The following SET variants were observed in gnomAD, a reference collection of about 807,000 sequenced individuals.
The protein encoded by SET is protein SET.
In SET, 4 loss-of-function variants were observed where a neutral mutation model predicts 39.0. That is an observed-to-expected ratio of 0.10 (90% CI 0.05 to 0.23). The LOEUF is 0.23. Among genes scored for constraint, SET ranks in the 10% least tolerant of loss-of-function variants. SET has a pLI of 1.00. For synonymous variants in SET, 114 were observed against 115.9 expected, an observed-to-expected ratio of 0.98 and a Z score of 0.11; for missense variants, 137 against 329.7, an observed-to-expected ratio of 0.42 and a Z score of 4.53.
chr9:128,687,669 G>A (rs1157581464), upstream of SET, among the ~76,000 whole-genome samples: 1 of 150,612 alleles, frequency 6.6e-6, no homozygotes, highest in Admixed American at 6.6e-5. Context: ...GTTCTGGAAG[G>A]CAGAATTCCA....
At chr9:128,687,617 CAAAAAA>C (rs57072661), upstream of SET, among the ~76,000 whole-genome samples, 10 of 79,648 alleles carry the variant, frequency 1.3e-4, no homozygotes, top group East Asian at 1.8e-3. Flanking sequence ...CCTCCCCCAC[CAAAAAA>C]AAAAAAAAAA....
exon 1 of SET, chr9:128,683,875 T>C: frequency 2.6e-6 from 4 of 1,541,470 alleles, no homozygotes; most frequent in Non-Finnish European, 3.5e-6. Flanking sequence ...CGTGGTCTGG[T>C]TCTGGGACTT....
intron 3 of SET, among the ~76,000 whole-genome samples, 173 bp downstream of exon 3, chr9:128,692,173 G>A (rs1215851447): frequency 1.3e-5 from 2 of 152,030 alleles, no homozygotes; most frequent in African/African-American, 4.8e-5. Context: ...GATCACTTGA[G>A]GTCAGGGGTT....
chr9:128,685,091 C>T (rs536265082), upstream of SET: 427 of 1,544,132 alleles, frequency 2.8e-4, no homozygotes, highest in Middle Eastern at 3.0e-3. Context: ...GGAAGAAGCA[C>T]TGAGGAGGAG....
In SET at chr9:128,696,007, G is replaced by A. The variant is rs1202603710; in HGVS notation, c.*1343G>A. 1 of 226,082 alleles carries A rather than the reference G, an allele frequency of 4.4e-6. No homozygotes were observed. Among genetic ancestry groups the A allele is most frequent in the Non-Finnish European group, 8.9e-6 (1 of 112,972 alleles). The allele number at this position is 226,082 out of a possible 1,614,324, so 14.0% of individuals were successfully genotyped here. A position where few individuals can be genotyped will look rare whatever the true frequency, so the allele number is the denominator to read the frequency against. On this transcript the variant is annotated 3_prime_UTR_variant, in exon 8 of 8. Coordinates refer to ENST00000322030, the MANE Select transcript of SET (RefSeq NM_003011.4). Reference sequence around the variant, plus strand: ...TAGGCTCTCAGTAAGAAGTCTGATGGTGAGCAGTAACTGTCCCTGCTTTCT... The same window carrying A: ...TAGGCTCTCAGTAAGAAGTCTGATGATGAGCAGTAACTGTCCCTGCTTTCT...
chr9:128,692,063 G>A, intron 3 of SET, 63 bp downstream of exon 3: 3 of 1,578,902 alleles, frequency 1.9e-6, no homozygotes, highest in Non-Finnish European at 2.6e-6. Context: ...AGGAAGCTTG[G>A]TGAAGACTTA....
At chr9:128,693,497 C>T (rs972020125) in intron 5 of SET, 141 bp from the exon 6 acceptor site, 2 of 900,098 alleles carry the variant, frequency 2.2e-6, no homozygotes, top group Non-Finnish European at 1.6e-6. Flanking sequence ...TTTATAATTG[C>T]TCTTAGGTAA....
At chr9:128,684,401 G>C (rs998938500), upstream of SET, among the ~76,000 whole-genome samples, 7 of 152,070 alleles carry the variant, frequency 4.6e-5, no homozygotes, top group African/African-American at 1.4e-4. Context: ...CTCTCTCTCT[G>C]TTCTTGCTGC....
At chr9:128,693,034 AGTTT>A in intron 5 of SET, 53 bp downstream of exon 5, 1 of 1,194,360 alleles carries the variant, frequency 8.4e-7, no homozygotes. Context: ...ATTTCAGTTT[AGTTT>A]TAACCACTTA....
Position 128,691,837 on chromosome 9 carries a change from ATC to A in SET, c.132-17_132-16del, listed in dbSNP as rs765445799. On this transcript the variant is annotated intron_variant, in intron 2 of 7. Transcript: ENST00000322030. ...TTTGTTAAATACTATCATTGTCAACATCTCTTTTCATTTGCTTCAGACTTAAT... is the reference window on the plus strand; with the variant it reads ...TTTGTTAAATACTATCATTGTCAACATCTTTTCATTTGCTTCAGACTTAAT... 1.5e-4 allele frequency: 244 copies of A among 1,601,430 alleles called. 3 individuals carry two copies. The South Asian group carries it at 2.6e-3, about 17-fold the overall frequency.
Position 128,694,734 on chromosome 9 carries a change from CTTTTTT to C in SET, c.*89_*94del, listed in dbSNP as rs35778650. 3.1e-3 allele frequency: 950 copies of C among 302,600 alleles called. No individual in the cohort carries two copies. Among genetic ancestry groups the C allele is most frequent in the Non-Finnish European group, 3.4e-3 (638 of 186,130 alleles). The allele number at this position is 302,600 out of a possible 1,614,324, so 18.7% of individuals were successfully genotyped here. ...CCAGTCCCTGGGAGCAAGTTGCAGTCTTTTTTTTTTTTTTTTTTTTTTTTCCCTCTT... is the reference window on the plus strand; with the variant it reads ...CCAGTCCCTGGGAGCAAGTTGCAGTCTTTTTTTTTTTTTTTTTTCCCTCTT... On this transcript the variant is annotated 3_prime_UTR_variant, in exon 8 of 8. Coordinates refer to ENST00000322030, the MANE Select transcript of SET (RefSeq NM_003011.4).
At chr9:128,694,606 A>T in intron 7 of SET, 35 bp from the exon 8 acceptor site, 1 of 1,515,012 alleles carries the variant, frequency 6.6e-7, no homozygotes, top group Non-Finnish European at 9.0e-7. Flanking sequence ...TCTCAGCATT[A>T]ATCCTGAAGA....
chr9:128,692,569 C>T (rs1028422485), intron 3 of SET, 93 bp from the exon 4 acceptor site: 3 of 808,448 alleles, frequency 3.7e-6, no homozygotes, highest in African/African-American at 1.7e-5. Context: ...CAAAGATGCT[C>T]ACTAAGTTCG....
At chr9:128,692,383 G>C in intron 3 of SET, 1 of 215,606 alleles carries the variant, frequency 4.6e-6, no homozygotes, top group Admixed American at 7.8e-5. Flanking sequence ...TGGGCGACAA[G>C]AGTGAGACTG....
chr9:128,684,412 C>T (rs1459813553), upstream of SET, among the ~76,000 whole-genome samples: 2 of 152,228 alleles, frequency 1.3e-5, no homozygotes, highest in Middle Eastern at 3.4e-3. Flanking sequence ...TTCTTGCTGC[C>T]GACGGCGGCC....
At chr9:128,685,097 A>T, upstream of SET, 1 of 1,547,714 alleles carries the variant, frequency 6.5e-7, no homozygotes, top group Non-Finnish European at 8.7e-7. Context: ...AGCACTGAGG[A>T]GGAGTCCTAC....
upstream of SET, among the ~76,000 whole-genome samples, chr9:128,687,617 C>CAAA (rs57072661): frequency 6.3e-5 from 5 of 79,666 alleles, no homozygotes; most frequent in Non-Finnish European, 1.0e-4. Context: ...CCTCCCCCAC[C>CAAA]AAAAAAAAAA....
upstream of SET, among the ~76,000 whole-genome samples, chr9:128,688,873 T>G (rs1364306949): frequency 6.6e-6 from 1 of 152,046 alleles, no homozygotes; most frequent in Non-Finnish European, 1.5e-5. Flanking sequence ...TTCGGGGTGG[T>G]GGGCGCCCCG....
chr9:128,692,836 C>G, intron 4 of SET, 32 bp from the exon 5 acceptor site: 1 of 1,513,026 alleles, frequency 6.6e-7, no homozygotes, highest in South Asian at 1.1e-5. Context: ...AAGACCTGTT[C>G]ATATTTCTAA....
Sources: allele counts gnomAD v4.1 joint callset (sites outside exome capture counted in the v4.1 genomes callset), GRCh38; gene constraint gnomAD v4.1.1; transcripts MANE v1.5; gene names NCBI Gene and HGNC (gene_info 2026-07-23, HGNC 2026-07-21).